Variants in TTC27 observed in about 807,000 individuals in gnomAD.
The protein encoded by TTC27 is tetratricopeptide repeat protein 27.
Under a neutral mutation model 115.9 loss-of-function variants are expected in TTC27, and 79 were observed. That is an observed-to-expected ratio of 0.68 (90% CI 0.57 to 0.82). TTC27 has a LOEUF of 0.82. Ranked by LOEUF, TTC27 falls within the 40% of genes least tolerant of loss-of-function variation. TTC27 has a pLI of 0.00. For missense variants in TTC27, 1,054 were observed against 993.1 expected (o/e 1.06, Z -0.82); for synonymous variants, 401 against 356.0 (o/e 1.13, Z -1.42).
rs1347993750 is a variant in TTC27, at chr2:32,697,042, A to G, written c.1120-5765A>G. On this transcript the variant is annotated intron_variant, in intron 9 of 19. Coordinates refer to ENST00000317907, the MANE Select transcript of TTC27 (RefSeq NM_017735.5). ...CCTGTCTCTACAGAAAATTAAAATA[A>G]TTAGCCAGGTGTGGTGGCAAGTGCC... is the stretch of plus-strand genomic sequence containing the variant. Among the ~76,000 whole-genome samples, 4 of 152,272 alleles carry G rather than the reference A, an allele frequency of 2.6e-5. No individual in the cohort carries two copies. The South Asian group carries it at 8.3e-4, about 32-fold the overall frequency.
intron 16 of TTC27, among the ~76,000 whole-genome samples, chr2:32,806,938 G>A (rs1222997198): frequency 6.6e-6 from 1 of 152,134 alleles, no homozygotes; most frequent in East Asian, 1.9e-4. Flanking sequence ...TTATTGAAAT[G>A]TAGTGTACAT....
At position 32,663,127 on chromosome 2, in the gene TTC27, T is replaced by G. The variant is rs564536509; in HGVS notation, c.641-1176T>G. Among the ~76,000 whole-genome samples the G allele has an allele frequency of 1.4e-4, 21 of 152,268 alleles. 1 individual carries two copies. In the East Asian group the frequency reaches 3.9e-3, roughly 28 times the overall value. On this transcript the variant is annotated intron_variant, in intron 5 of 19. Transcript: ENST00000317907. ...CTTGCTGGGCTTCATGGGGGTGGGATCAGCTGAGCTAGACCACTTGGTTCC... is the reference window on the plus strand; with the variant it reads ...CTTGCTGGGCTTCATGGGGGTGGGAGCAGCTGAGCTAGACCACTTGGTTCC...
intron 10 of TTC27, among the ~76,000 whole-genome samples, chr2:32,732,819 A>G (rs1322313048): frequency 6.6e-6 from 1 of 152,102 alleles, no homozygotes; most frequent in Admixed American, 6.5e-5. Context: ...ACTTTTCACT[A>G]CCGTCTAATC....
intron 12 of TTC27, among the ~76,000 whole-genome samples, chr2:32,746,088 G>T (rs1255694538): frequency 2.6e-5 from 4 of 152,154 alleles, no homozygotes; most frequent in Non-Finnish European, 5.9e-5. Flanking sequence ...AAACAGCTTA[G>T]ATTTGTATGT....
intron 9 of TTC27, among the ~76,000 whole-genome samples, chr2:32,686,443 T>C (rs1451756180): frequency 1.3e-5 from 2 of 151,506 alleles, no homozygotes; most frequent in African/African-American, 4.9e-5. Flanking sequence ...TTAGCTTACG[T>C]CTGTCTCCTG....
At chr2:32,753,429 CTTTTTTTTTT>C (rs776515945) in intron 12 of TTC27, among the ~76,000 whole-genome samples, 8 of 72,878 alleles carry the variant, frequency 1.1e-4, no homozygotes, top group Admixed American at 4.4e-4. Flanking sequence ...AATCAAATGC[CTTTTTTTTTT>C]TTTTTTTTTT....
chr2:32,656,854 A>G (rs934295100), intron 5 of TTC27, among the ~76,000 whole-genome samples: 2 of 152,104 alleles, frequency 1.3e-5, no homozygotes, highest in African/African-American at 4.8e-5. Context: ...ATTTATAATC[A>G]AACTAACTGC....
chr2:32,738,955 C>T lies in TTC27; in HGVS notation c.1452+2139C>T, dbSNP rs139294723. Among the ~76,000 whole-genome samples the T allele has an allele frequency of 3.2e-3, 484 of 152,136 alleles. 3 individuals are homozygous for T. The highest frequency in any genetic ancestry group is 0.011 in the African/African-American group (455 of 41,492). ...GAACTGCCAAATTTTTCTGAATAGA[C>T]TGAAAAAAATCAAAGCAAACAAGAG... On this transcript the variant is annotated intron_variant, in intron 12 of 19. Transcript: ENST00000317907.
intron 4 of TTC27, among the ~76,000 whole-genome samples, chr2:32,644,635 C>T (rs1469007340): frequency 6.6e-6 from 1 of 151,856 alleles, no homozygotes; most frequent in Admixed American, 6.6e-5. Context: ...CACTGTGTTG[C>T]CCAGGCTGAT....
At chr2:32,711,944 G>GA (rs367969213) in intron 10 of TTC27, among the ~76,000 whole-genome samples, 7 of 145,074 alleles carry the variant, frequency 4.8e-5, no homozygotes, top group South Asian at 2.2e-4. Context: ...GTCTCAAAAA[G>GA]AAAAAAAAAA....
intron 6 of TTC27, among the ~76,000 whole-genome samples, chr2:32,664,866 T>C (rs1665709805): frequency 6.6e-6 from 1 of 151,096 alleles, no homozygotes; most frequent in African/African-American, 2.4e-5. Flanking sequence ...CGAGTCTCGC[T>C]CTGTCGCCCA....
intron 5 of TTC27, 103 bp from the exon 6 acceptor site, chr2:32,664,200 G>A (rs1212632011): frequency 1.0e-6 from 1 of 997,134 alleles, no homozygotes; most frequent in Non-Finnish European, 1.4e-6. Flanking sequence ...TTTAACAACA[G>A]AGACTATGTA....
At chr2:32,778,204 T>C (rs1670062749) in intron 14 of TTC27, among the ~76,000 whole-genome samples, 1 of 152,232 alleles carries the variant, frequency 6.6e-6, no homozygotes. Flanking sequence ...TTGTTAAAAA[T>C]ATACTTCACT....
intron 10 of TTC27, among the ~76,000 whole-genome samples, chr2:32,724,231 C>A (rs1379376701): frequency 6.6e-6 from 1 of 152,068 alleles, no homozygotes; most frequent in Non-Finnish European, 1.5e-5. Flanking sequence ...CCTAAGGCAG[C>A]AGTTATCAAG....
chr2:32,760,440 G>A (rs890402445), intron 13 of TTC27, among the ~76,000 whole-genome samples: 2 of 152,092 alleles, frequency 1.3e-5, no homozygotes, highest in Non-Finnish European at 2.9e-5. Flanking sequence ...TACTGACATC[G>A]AGTGGGTGGA....
At chr2:32,690,687 A>C (rs1304783790) in intron 9 of TTC27, among the ~76,000 whole-genome samples, 2 of 152,162 alleles carry the variant, frequency 1.3e-5, no homozygotes, top group African/African-American at 2.4e-5. Flanking sequence ...CTTAGGGAAA[A>C]GTAGATTTGA....
chr2:32,793,096 G>A (rs1670590952), intron 16 of TTC27, among the ~76,000 whole-genome samples: 1 of 152,182 alleles, frequency 6.6e-6, no homozygotes, highest in Non-Finnish European at 1.5e-5. Flanking sequence ...TGAACTCAGT[G>A]GGATAGTATT....
chr2:32,769,132 C>A (rs1669738554), intron 13 of TTC27, among the ~76,000 whole-genome samples: 1 of 152,154 alleles, frequency 6.6e-6, no homozygotes. Flanking sequence ...GAATAACAGG[C>A]AATGTCCTGA....
chr2:32,647,158 G>T (rs1024806899), intron 4 of TTC27, among the ~76,000 whole-genome samples: 1 of 151,852 alleles, frequency 6.6e-6, no homozygotes, highest in African/African-American at 2.4e-5. Context: ...TGTTGCCCAG[G>T]CTGGTCTTGA....
Sources: allele counts gnomAD v4.1 joint callset (sites outside exome capture counted in the v4.1 genomes callset), GRCh38; gene constraint gnomAD v4.1.1; transcripts MANE v1.5; gene names NCBI Gene and HGNC (gene_info 2026-07-23, HGNC 2026-07-21).